Variants in SYN3 observed in about 807,000 individuals in gnomAD.
The protein encoded by SYN3 is synapsin III, also known as synapsin-3.
SYN3 carries 35 observed loss-of-function variants against 65.8 expected under a neutral mutation model. The ratio of observed to expected loss-of-function variants is 0.53; its 90% CI spans 0.41 to 0.70. The LOEUF is 0.70. Ranked by LOEUF, SYN3 falls within the 30% of genes least tolerant of loss-of-function variation. The probability of loss-of-function intolerance (pLI) is 0.00; values close to 1 mark genes in which losing one functional copy is unlikely to be tolerated. For synonymous variants in SYN3, 270 were observed against 292.9 expected (o/e 0.92, Z 0.80); for missense variants, 680 against 749.0 (o/e 0.91, Z 1.08).
chr22:32,902,536 C>T (rs531997219), intron 4 of SYN3, among the ~76,000 whole-genome samples: 5 of 152,298 alleles, frequency 3.3e-5, no homozygotes, highest in African/African-American at 1.2e-4. Context: ...TTTTATTAGC[C>T]TATTTTTCAG....
intron 6 of SYN3, among the ~76,000 whole-genome samples, chr22:32,614,460 T>C (rs1201870348): frequency 2.6e-5 from 4 of 152,192 alleles, no homozygotes; most frequent in Admixed American, 1.3e-4. Context: ...TTGAGGGTTA[T>C]TGCAGCTGCC....
In SYN3 at chr22:32,941,766, C is replaced by T. The variant is rs114050511; in HGVS notation, c.370-10285G>A. On this transcript the variant is annotated intron_variant, in intron 3 of 13. Coordinates refer to ENST00000358763, the MANE Select transcript of SYN3 (RefSeq NM_003490.4). The stretch of plus-strand genomic sequence containing the variant: ...CTCCCACCCTAATACTGTGCTTTTC[C>T]GAGGGTCTTAGCAAACAGTACACCA... Among the ~76,000 whole-genome samples the T allele has an allele frequency of 9.9e-3, 1,503 of 152,322 alleles. 23 individuals are homozygous for T. Among genetic ancestry groups the T allele is most frequent in the African/African-American group, 0.034 (1,434 of 41,570 alleles).
At position 32,992,674 on chromosome 22, in the gene SYN3, G is replaced by A. The variant is rs558274233; in HGVS notation, c.312-11972C>T. On this transcript the variant is annotated intron_variant, in intron 2 of 13. Transcript: ENST00000358763. ...CTAAAAATACAAAACTTAGCTGTGCGTGGTGGTATGTGCCTGTAGTCCCAG... is the reference window on the plus strand; with the variant it reads ...CTAAAAATACAAAACTTAGCTGTGCATGGTGGTATGTGCCTGTAGTCCCAG... 3.3e-5 allele frequency among the ~76,000 whole-genome samples: 5 copies of A among 152,280 alleles called. No homozygotes were observed. The South Asian group carries it at 6.2e-4, about 19-fold the overall frequency.
chr22:32,935,308 T>TCA (rs990872543), intron 3 of SYN3, among the ~76,000 whole-genome samples: 3,997 of 149,146 alleles, frequency 0.027, 69 homozygotes, highest in Middle Eastern at 0.08. Flanking sequence ...TCTCTCTCTC[T>TCA]CACACACACA....
At chr22:32,899,691 C>G (rs2049705804) in intron 4 of SYN3, among the ~76,000 whole-genome samples, 1 of 152,220 alleles carries the variant, frequency 6.6e-6, no homozygotes, top group South Asian at 2.1e-4. Context: ...ATGCTGGGTT[C>G]TTGTCCTGGC....
intron 7 of SYN3, among the ~76,000 whole-genome samples, chr22:32,542,642 G>A (rs1462054289): frequency 6.7e-6 from 1 of 149,210 alleles, no homozygotes; most frequent in African/African-American, 2.5e-5. Context: ...GTGTGTGTGT[G>A]TGTGTGTGTG....
chr22:32,633,416 C>G (rs1264878761), intron 6 of SYN3, among the ~76,000 whole-genome samples: 1 of 151,994 alleles, frequency 6.6e-6, no homozygotes, highest in South Asian at 2.1e-4. Context: ...ACTGTCTCCC[C>G]CTGCCCTTCC....
chr22:32,517,637 G>C (rs532615951), intron 13 of SYN3, among the ~76,000 whole-genome samples: 9 of 152,242 alleles, frequency 5.9e-5, no homozygotes, highest in African/African-American at 2.2e-4. Context: ...GAATCTAACT[G>C]GGTATCCTAT....
chr22:32,842,181 C>A (rs771500297), intron 6 of SYN3, among the ~76,000 whole-genome samples: 3 of 152,176 alleles, frequency 2.0e-5, no homozygotes, highest in Non-Finnish European at 4.4e-5. Flanking sequence ...CCAGACCCCA[C>A]GTGCTCCATG....
intron 4 of SYN3, among the ~76,000 whole-genome samples, chr22:32,907,890 A>G (rs1454887556): frequency 1.3e-5 from 2 of 152,182 alleles, no homozygotes; most frequent in African/African-American, 4.8e-5. Context: ...AGTGCCAGAC[A>G]CTATTTTTAA....
At chr22:32,864,787 C>A in intron 6 of SYN3, 128 bp downstream of exon 6, 1 of 808,278 alleles carries the variant, frequency 1.2e-6, no homozygotes, top group Non-Finnish European at 2.0e-6. Flanking sequence ...ACTGTGACTC[C>A]GCCTTAGAGT....
chr22:32,993,982 C>T (rs558063902), intron 2 of SYN3, among the ~76,000 whole-genome samples: 1 of 152,060 alleles, frequency 6.6e-6, no homozygotes, highest in East Asian at 1.9e-4. Context: ...GAAGCTCTCC[C>T]CTAAGACTCC....
chr22:32,767,136 G>A (rs992309665), intron 6 of SYN3, among the ~76,000 whole-genome samples: 47 of 151,090 alleles, frequency 3.1e-4, no homozygotes, highest in African/African-American at 9.2e-4. Context: ...TGCTACACAT[G>A]TTATTTGTGT....
At chr22:32,984,026 G>A (rs148073565) in intron 2 of SYN3, among the ~76,000 whole-genome samples, 113 of 151,956 alleles carry the variant, frequency 7.4e-4, no homozygotes, top group African/African-American at 2.5e-3. Context: ...AGGAGTGGTG[G>A]TGGGCGCCTG....
At chr22:32,946,418 C>A (rs942547812) in intron 3 of SYN3, among the ~76,000 whole-genome samples, 5 of 152,076 alleles carry the variant, frequency 3.3e-5, no homozygotes, top group East Asian at 3.9e-4. Context: ...TGGAAACCAT[C>A]ATTCTCAGCA....
chr22:32,621,789 A>C lies in SYN3; in HGVS notation c.712-25053T>G, dbSNP rs185371790. 2.5e-3 allele frequency among the ~76,000 whole-genome samples: 378 copies of C among 152,256 alleles called. 2 individuals carry two copies. The highest frequency in any genetic ancestry group is 8.1e-3 in the African/African-American group (337 of 41,556). On this transcript the variant is annotated intron_variant, in intron 6 of 13. Transcript: ENST00000358763. Reference sequence around the variant, plus strand: ...GCCTGCAGCATTTCGAAGTTAGGTAATATGGCCATTTCACAGAGGGGAAAA... The same window carrying C: ...GCCTGCAGCATTTCGAAGTTAGGTACTATGGCCATTTCACAGAGGGGAAAA...
chr22:32,700,531 G>C (rs923573699), intron 6 of SYN3, among the ~76,000 whole-genome samples: 1 of 152,148 alleles, frequency 6.6e-6, no homozygotes, highest in Non-Finnish European at 1.5e-5. Context: ...CAGGAGGCAA[G>C]GGGAAACTCA....
intron 6 of SYN3, among the ~76,000 whole-genome samples, chr22:32,826,808 A>C (rs1312797083): frequency 3.3e-5 from 5 of 152,146 alleles, no homozygotes; most frequent in Non-Finnish European, 7.4e-5. Context: ...TGGGGGAGTG[A>C]GTGCATGTGG....
At chr22:32,596,447 CA>C (rs2059201272) in intron 7 of SYN3, among the ~76,000 whole-genome samples, 1 of 152,118 alleles carries the variant, frequency 6.6e-6, no homozygotes, top group South Asian at 2.1e-4. Flanking sequence ...TTAGCAATTC[CA>C]GGTAGGATTT....
Sources: allele counts gnomAD v4.1 joint callset (sites outside exome capture counted in the v4.1 genomes callset), GRCh38; gene constraint gnomAD v4.1.1; transcripts MANE v1.5; gene names NCBI Gene and HGNC (gene_info 2026-07-23, HGNC 2026-07-21).